The following PPP2R2B variants were observed in gnomAD, a reference collection of about 807,000 sequenced individuals.
PPP2R2B encodes protein phosphatase 2 regulatory subunit Bbeta.
PPP2R2B carries 5 observed loss-of-function variants against 46.0 expected under a neutral mutation model. The ratio of observed to expected loss-of-function variants is 0.11; its 90% CI spans 0.06 to 0.23. The LOEUF (loss-of-function observed/expected upper bound fraction) is 0.23, where lower values mean the gene tolerates loss of function less well. Ranked by LOEUF, PPP2R2B falls within the 10% of genes least tolerant of loss-of-function variation. The probability of loss-of-function intolerance (pLI) is 1.00; values close to 1 mark genes in which losing one functional copy is unlikely to be tolerated. For synonymous variants in PPP2R2B, 215 were observed against 206.7 expected, an observed-to-expected ratio of 1.04 and a Z score of -0.34; for missense variants, 367 against 575.0, an observed-to-expected ratio of 0.64 and a Z score of 3.70.
intron 2 of PPP2R2B, among the ~76,000 whole-genome samples, chr5:146,822,975 GAA>G (rs1374456468): frequency 6.6e-6 from 1 of 151,934 alleles, no homozygotes; most frequent in Non-Finnish European, 1.5e-5. Flanking sequence ...ACATCCTTGA[GAA>G]AAAAAGACTT....
At chr5:146,761,339 A>G (rs1440132024) in intron 2 of PPP2R2B, among the ~76,000 whole-genome samples, 1 of 152,224 alleles carries the variant, frequency 6.6e-6, no homozygotes, top group East Asian at 1.9e-4. Context: ...CAGCCATAAA[A>G]AATGATGAGT....
chr5:147,017,909 G>A (rs555858510), intron 1 of PPP2R2B, among the ~76,000 whole-genome samples: 1 of 152,160 alleles, frequency 6.6e-6, no homozygotes, highest in East Asian at 1.9e-4. Flanking sequence ...GAAAGGTAAA[G>A]CAATGTCTTT....
At chr5:146,838,847 C>T (rs1759454322) in intron 2 of PPP2R2B, among the ~76,000 whole-genome samples, 1 of 152,236 alleles carries the variant, frequency 6.6e-6, no homozygotes, top group African/African-American at 2.4e-5. Flanking sequence ...AAACAAATGA[C>T]TGCCTTCCCA....
intron 1 of PPP2R2B, among the ~76,000 whole-genome samples, chr5:146,999,840 A>T (rs1215000681): frequency 6.6e-6 from 1 of 152,200 alleles, no homozygotes; most frequent in Non-Finnish European, 1.5e-5. Flanking sequence ...ATATGAAGGC[A>T]TTGGGCCAGA....
chr5:146,990,036 A>C (rs1160875076), intron 1 of PPP2R2B, among the ~76,000 whole-genome samples: 2 of 151,196 alleles, frequency 1.3e-5, no homozygotes, highest in Non-Finnish European at 3.0e-5. Flanking sequence ...AGGAGGTGAA[A>C]TATCTCTACA....
intron 1 of PPP2R2B, among the ~76,000 whole-genome samples, chr5:146,911,290 G>T (rs989202949): frequency 6.6e-6 from 1 of 152,098 alleles, no homozygotes; most frequent in Admixed American, 6.5e-5. Flanking sequence ...CGCCATATCG[G>T]CCAGGCTGGT....
chr5:146,888,146 A>T (rs1438937839), intron 1 of PPP2R2B, among the ~76,000 whole-genome samples: 1 of 152,062 alleles, frequency 6.6e-6, no homozygotes, highest in Non-Finnish European at 1.5e-5. Context: ...CTAGAGTTCA[A>T]AGTTCAAAGT....
intron 2 of PPP2R2B, among the ~76,000 whole-genome samples, chr5:146,817,016 C>T (rs1318063377): frequency 6.6e-6 from 1 of 152,216 alleles, no homozygotes; most frequent in African/African-American, 2.4e-5. Context: ...TTAACCAAGA[C>T]CCTGGAGGCT....
At chr5:146,736,582 G>A (rs1752553276) in intron 2 of PPP2R2B, among the ~76,000 whole-genome samples, 1 of 152,100 alleles carries the variant, frequency 6.6e-6, no homozygotes, top group African/African-American at 2.4e-5. Context: ...GTGAATCATA[G>A]CAGCCATCGT....
intron 1 of PPP2R2B, among the ~76,000 whole-genome samples, chr5:146,965,337 C>G (rs1752354643): frequency 6.6e-6 from 1 of 152,142 alleles, no homozygotes; most frequent in East Asian, 1.9e-4. Flanking sequence ...AGGTATTCCC[C>G]AGAATCACAC....
chr5:146,749,577 C>T (rs1753411575), intron 2 of PPP2R2B, among the ~76,000 whole-genome samples: 1 of 150,472 alleles, frequency 6.6e-6, no homozygotes, highest in Admixed American at 6.6e-5. Context: ...AGCCTAGATC[C>T]TGAAGATTTC....
chr5:146,997,114 T>A (rs1753956079), intron 1 of PPP2R2B, among the ~76,000 whole-genome samples: 1 of 152,172 alleles, frequency 6.6e-6, no homozygotes, highest in Admixed American at 6.5e-5. Context: ...TGTACTCAGT[T>A]GTTAAACATT....
At chr5:147,044,095 T>G (rs1466702055) in intron 1 of PPP2R2B, among the ~76,000 whole-genome samples, 2 of 152,150 alleles carry the variant, frequency 1.3e-5, no homozygotes. Flanking sequence ...ACCTAAATGC[T>G]TATTACCACC....
chr5:146,754,977 T>C (rs1181254080), intron 2 of PPP2R2B, among the ~76,000 whole-genome samples: 1 of 152,190 alleles, frequency 6.6e-6, no homozygotes, highest in Non-Finnish European at 1.5e-5. Flanking sequence ...TCTCAGAAAG[T>C]GTGAGAGATA....
intron 1 of PPP2R2B, among the ~76,000 whole-genome samples, chr5:146,931,389 T>C (rs1763965252): frequency 6.6e-6 from 1 of 152,160 alleles, no homozygotes; most frequent in African/African-American, 2.4e-5. Flanking sequence ...TAGGCCTTCT[T>C]GGAACTGTCC....
At chr5:147,054,616 C>T (rs1756984309) in intron 1 of PPP2R2B, 1 of 456,076 alleles carries the variant, frequency 2.2e-6, no homozygotes, top group Non-Finnish European at 4.4e-6. Flanking sequence ...ATAATACAAG[C>T]TTCCTTCATT....
intron 2 of PPP2R2B, among the ~76,000 whole-genome samples, chr5:146,820,364 A>G (rs1758183479): frequency 6.6e-6 from 1 of 152,174 alleles, no homozygotes. Flanking sequence ...AAACACACAA[A>G]ACAAAACAAA....
chr5:146,599,186 C>A lies in PPP2R2B; in HGVS notation c.960+1105G>T, dbSNP rs767405493. Reference sequence around the variant, plus strand: ...GGTCTTCCTCTTTCAACAAAACCACCCTATACAATGCCTTTTCCTTTGTTT... The same window carrying A: ...GGTCTTCCTCTTTCAACAAAACCACACTATACAATGCCTTTTCCTTTGTTT... On this transcript the variant is annotated intron_variant, in intron 8 of 9. Transcript: ENST00000394411. Among the ~76,000 whole-genome samples the A allele has an allele frequency of 7.2e-5, 11 of 152,110 alleles. 1 individual carries two copies.
intron 1 of PPP2R2B, among the ~76,000 whole-genome samples, chr5:146,932,465 T>C (rs1181790820): frequency 6.6e-6 from 1 of 152,146 alleles, no homozygotes; most frequent in Non-Finnish European, 1.5e-5. Context: ...TCTCATGGTT[T>C]TAAAAGGAGC....
Sources: allele counts gnomAD v4.1 joint callset (sites outside exome capture counted in the v4.1 genomes callset), GRCh38; gene constraint gnomAD v4.1.1; transcripts MANE v1.5; gene names NCBI Gene and HGNC (gene_info 2026-07-23, HGNC 2026-07-21).